Variants in CUL1 observed in about 807,000 individuals in gnomAD.
The protein encoded by CUL1 is cullin-1.
CUL1 carries 24 observed loss-of-function variants against 118.0 expected under a neutral mutation model. That is an observed-to-expected ratio of 0.20 (90% CI 0.15 to 0.29). CUL1 has a LOEUF of 0.29. CUL1 is among the 10% of genes least tolerant of loss of function. CUL1 has a pLI of 1.00. For missense variants in CUL1, 361 were observed against 933.8 expected, an observed-to-expected ratio of 0.39 and a Z score of 7.99; for synonymous variants, 332 against 340.4, an observed-to-expected ratio of 0.98 and a Z score of 0.27.
chr7:148,782,276 A>G (rs1800665461), intron 9 of CUL1, among the ~76,000 whole-genome samples: 1 of 152,248 alleles, frequency 6.6e-6, no homozygotes, highest in Admixed American at 6.5e-5. Flanking sequence ...AAGCAAGCTT[A>G]TATGAAGTAA....
At chr7:148,711,111 C>T (rs1262881686) in intron 1 of CUL1, among the ~76,000 whole-genome samples, 3 of 152,188 alleles carry the variant, frequency 2.0e-5, no homozygotes, top group Non-Finnish European at 2.9e-5. Flanking sequence ...GCTCAGAAGA[C>T]ATACTCAAAT....
At chr7:148,774,876 A>G (rs1052451453) in intron 9 of CUL1, among the ~76,000 whole-genome samples, 2 of 152,228 alleles carry the variant, frequency 1.3e-5, no homozygotes, top group East Asian at 3.8e-4. Flanking sequence ...AGAGGTTTTC[A>G]GAAGCTGCTC....
At chr7:148,719,764 T>C (rs182916731) in intron 1 of CUL1, among the ~76,000 whole-genome samples, 1 of 152,380 alleles carries the variant, frequency 6.6e-6, no homozygotes, top group East Asian at 1.9e-4. Context: ...TTCCCTGAAC[T>C]ATTCGTTGGC....
chr7:148,720,403 T>G (rs954871208), intron 1 of CUL1, among the ~76,000 whole-genome samples: 12 of 152,042 alleles, frequency 7.9e-5, no homozygotes, highest in African/African-American at 2.7e-4. Context: ...GAACTGATTT[T>G]TCATCAGGGG....
intron 13 of CUL1, among the ~76,000 whole-genome samples, chr7:148,788,334 G>A (rs941247514): frequency 3.0e-4 from 46 of 152,190 alleles, no homozygotes; most frequent in Non-Finnish European, 5.1e-4. Context: ...AATTGTGTGT[G>A]TGAACACTTC....
intron 1 of CUL1, among the ~76,000 whole-genome samples, chr7:148,721,585 T>C (rs1756820040): frequency 6.6e-6 from 1 of 152,326 alleles, no homozygotes; most frequent in Non-Finnish European, 1.5e-5. Flanking sequence ...AGCCAGTGTT[T>C]TAAGCAGATA....
intron 2 of CUL1, among the ~76,000 whole-genome samples, chr7:148,737,459 G>A (rs1162213412): frequency 1.3e-5 from 2 of 151,422 alleles, no homozygotes; most frequent in Admixed American, 6.6e-5. Context: ...AACTACAGAC[G>A]GATTATACAG....
At chr7:148,732,582 C>A (rs542844355) in intron 2 of CUL1, among the ~76,000 whole-genome samples, 1 of 152,000 alleles carries the variant, frequency 6.6e-6, no homozygotes. Flanking sequence ...TCAAGCATTC[C>A]GCCTGGCTTG....
chr7:148,768,628 G>T (rs7806899), intron 9 of CUL1, among the ~76,000 whole-genome samples: 3 of 151,822 alleles, frequency 2.0e-5, no homozygotes, highest in African/African-American at 7.3e-5. Context: ...CAGGTGATTC[G>T]CCCGCCTTGG....
rs1364966933 is a variant in CUL1, at chr7:148,800,871, G to A, written c.*289G>A. 4 of 269,020 alleles carry A rather than the reference G, an allele frequency of 1.5e-5. No homozygotes were observed. In the East Asian group the frequency reaches 2.4e-4, roughly 16 times the overall value. The allele number at this position is 269,020 out of a possible 1,614,324, so 16.7% of individuals were successfully genotyped here. On this transcript the variant is annotated 3_prime_UTR_variant, in exon 22 of 22. Transcript: ENST00000325222. The surrounding 1 kb of genome is among the most constrained non-coding windows in gnomAD (Gnocchi z 4.6). ...TGCTACCGCACTAAGTCAATACATG[G>A]GCTCCCCGATTCGCAGCTGTCGTCT... is the stretch of plus-strand genomic sequence containing the variant.
At chr7:148,799,413 C>T (rs1801315210) in intron 21 of CUL1, 25 bp downstream of exon 21, 1 of 1,423,496 alleles carries the variant, frequency 7.0e-7, no homozygotes, top group Non-Finnish European at 9.9e-7. Context: ...ATAGCAGTCA[C>T]ATTCCTTTCT....
chr7:148,778,570 A>G (rs1800501808), intron 9 of CUL1, among the ~76,000 whole-genome samples: 1 of 152,222 alleles, frequency 6.6e-6, no homozygotes, highest in South Asian at 2.1e-4. Context: ...AAACAACTGC[A>G]CGATATGTTT....
In CUL1 at chr7:148,783,393, C is replaced by G. The variant is rs1012388621; in HGVS notation, c.1084-390C>G. On this transcript the variant is annotated intron_variant, in intron 9 of 21. Transcript: ENST00000325222. Reference sequence around the variant, plus strand: ...GTTGCCTGCCCAGCCGGGCTGATGACCGACCTCGGCGGCTAAACGCCTTCT... The same window carrying G: ...GTTGCCTGCCCAGCCGGGCTGATGAGCGACCTCGGCGGCTAAACGCCTTCT... 10 of 985,366 alleles carry G rather than the reference C, an allele frequency of 1.0e-5. No individual in the cohort carries two copies. The African/African-American group carries it at 1.7e-4, about 17-fold the overall frequency. 61.0% of individuals were successfully genotyped at this position (985,366 alleles called of 1,614,324 possible). A position where few individuals can be genotyped will look rare whatever the true frequency, so the allele number is the denominator to read the frequency against.
intron 2 of CUL1, among the ~76,000 whole-genome samples, chr7:148,737,614 A>ATTTG (rs1799000464): frequency 1.4e-5 from 2 of 138,710 alleles, no homozygotes; most frequent in African/African-American, 5.3e-5. Flanking sequence ...TTATTTATTT[A>ATTTG]TTTTCAGAGG....
At chr7:148,703,390 C>T (rs555914163) in intron 1 of CUL1, among the ~76,000 whole-genome samples, 1 of 152,242 alleles carries the variant, frequency 6.6e-6, no homozygotes, top group Admixed American at 6.5e-5. Context: ...TAAAACCATT[C>T]AAGACTGTTC....
chr7:148,699,553 A>T (rs938335268), intron 1 of CUL1, among the ~76,000 whole-genome samples: 3 of 152,046 alleles, frequency 2.0e-5, no homozygotes, highest in Non-Finnish European at 4.4e-5. Flanking sequence ...CTCTGGGCTC[A>T]AGCGCAGGAG....
In CUL1 at chr7:148,800,463, C is replaced by A; in HGVS notation, c.2251-39C>A. 1 of 1,535,228 alleles carries A rather than the reference C, an allele frequency of 6.5e-7. No homozygotes were observed. Among genetic ancestry groups the A allele is most frequent in the Non-Finnish European group, 9.0e-7 (1 of 1,109,482 alleles). On this transcript the variant is annotated intron_variant, in intron 21 of 21. Coordinates refer to ENST00000325222, the MANE Select transcript of CUL1 (RefSeq NM_003592.3). The surrounding 1 kb of genome is among the most constrained non-coding windows in gnomAD (Gnocchi z 4.6). The stretch of plus-strand genomic sequence containing the variant: ...TCTGATGATAATTTGTGTTTTTCTT[C>A]TCTTTCACTACCTCTTCCTTTTTAA...
At chr7:148,783,555 AGTTTT>A in intron 9 of CUL1, 2 of 1,427,816 alleles carry the variant, frequency 1.4e-6, no homozygotes, top group Admixed American at 2.7e-5. Flanking sequence ...ATCAATATTT[AGTTTT>A]GAGTGTGGAG....
At chr7:148,797,279 G>A (rs1417147031) in intron 17 of CUL1, among the ~76,000 whole-genome samples, 1 of 151,700 alleles carries the variant, frequency 6.6e-6, no homozygotes, top group East Asian at 1.9e-4. Context: ...GAAGTGAAGA[G>A]TTCCTGAAGA....
Sources: gnomAD v4.1 joint callset for allele counts (sites outside exome capture counted in the v4.1 genomes callset) on GRCh38, gnomAD v4.1.1 for gene constraint, Gnocchi (gnomAD v3.1) non-coding constraint, MANE v1.5 for transcripts, NCBI Gene and HGNC (gene_info 2026-07-23, HGNC 2026-07-21) for gene names.